Variants in CLIP1 observed in about 807,000 individuals in gnomAD.
The protein encoded by CLIP1 is CAP-Gly domain-containing linker protein 1.
In CLIP1, 66 loss-of-function variants were observed where a neutral mutation model predicts 161.6. The observed-to-expected ratio is 0.41, with a 90% CI of 0.33 to 0.50. The LOEUF (loss-of-function observed/expected upper bound fraction) is 0.50. Among genes scored for constraint, CLIP1 ranks in the 20% least tolerant of loss-of-function variants. CLIP1 has a pLI of 0.27. For missense variants in CLIP1, 1,376 were observed against 1,702.0 expected, an observed-to-expected ratio of 0.81 and a Z score of 3.37; for synonymous variants, 598 against 626.2, an observed-to-expected ratio of 0.96 and a Z score of 0.67.
At chr12:122,319,954 C>T (rs1951420176) in intron 17 of CLIP1, among the ~76,000 whole-genome samples, 1 of 152,130 alleles carries the variant, frequency 6.6e-6, no homozygotes, top group South Asian at 2.1e-4. Context: ...AAATTCTTAG[C>T]TGTTAACTAT....
intron 17 of CLIP1, among the ~76,000 whole-genome samples, chr12:122,325,932 C>A (rs1951697213): frequency 6.6e-6 from 1 of 152,202 alleles, no homozygotes; most frequent in Admixed American, 6.5e-5. Context: ...GGATTACAGG[C>A]GTGAGCCACC....
At chr12:122,282,307 GTC>G (rs1432494904) in intron 21 of CLIP1, among the ~76,000 whole-genome samples, 2 of 152,052 alleles carry the variant, frequency 1.3e-5, no homozygotes, top group East Asian at 3.8e-4. Flanking sequence ...CATTACTGAC[GTC>G]TGAGTCACAA....
At chr12:122,352,297 T>C (rs1453388022) in intron 8 of CLIP1, among the ~76,000 whole-genome samples, 1 of 152,096 alleles carries the variant, frequency 6.6e-6, no homozygotes, top group Non-Finnish European at 1.5e-5. Context: ...CCTCGGGTGA[T>C]CCACCTACCT....
chr12:122,301,977 C>T (rs375544295), intron 20 of CLIP1, among the ~76,000 whole-genome samples: 3 of 152,180 alleles, frequency 2.0e-5, no homozygotes, highest in South Asian at 2.1e-4. Context: ...TCCTGTCCCT[C>T]AGAACAGTGG....
intron 10 of CLIP1, chr12:122,343,854 C>G (rs890954554): frequency 2.6e-5 from 4 of 152,158 alleles, no homozygotes; most frequent in Non-Finnish European, 5.9e-5. Context: ...AATTCTTGGA[C>G]TAATCTGGGA....
chr12:122,337,901 G>C (rs797000170), intron 11 of CLIP1, among the ~76,000 whole-genome samples: 25 of 151,680 alleles, frequency 1.6e-4, no homozygotes, highest in African/African-American at 6.0e-4. Context: ...TGTAGTCCCA[G>C]CTACTCAGGA....
intron 3 of CLIP1, chr12:122,365,252 T>C (rs895319325): frequency 2.2e-5 from 12 of 544,294 alleles, no homozygotes; most frequent in Non-Finnish European, 3.8e-5. Flanking sequence ...AAAATAAAAA[T>C]AAAAAAAAGA....
At chr12:122,377,985 T>C in intron 2 of CLIP1, 25 bp from the exon 3 acceptor site, 1 of 1,552,256 alleles carries the variant, frequency 6.4e-7, no homozygotes, top group Non-Finnish European at 8.7e-7. Flanking sequence ...TCATAAGAGA[T>C]TCGATTTAAT....
intron 3 of CLIP1, among the ~76,000 whole-genome samples, chr12:122,365,091 G>T (rs185542438): frequency 2.0e-5 from 3 of 150,300 alleles, no homozygotes; most frequent in South Asian, 2.1e-4. Flanking sequence ...GTTGTGGGGT[G>T]GGGGGAGAGG....
chr12:122,300,002 A>T (rs567384958), intron 20 of CLIP1, among the ~76,000 whole-genome samples: 8 of 152,346 alleles, frequency 5.3e-5, no homozygotes, highest in African/African-American at 1.9e-4. Context: ...TCATGCCTGT[A>T]ATCCCAGCAC....
In CLIP1 at chr12:122,352,765, G is replaced by A. The variant is rs749593496; in HGVS notation, c.1329C>T (p.Phe443=). The A allele has an allele frequency of 2.8e-5, 45 of 1,613,814 alleles. No individual in the cohort carries two copies. The highest frequency in any genetic ancestry group is 3.4e-6 in the Non-Finnish European group (4 of 1,179,942). ...TGGTAATTGATTCTTCTTCAACCCGGAACTGAAGGTCCTCAACCTTCCTGT... is the reference window on the plus strand; with the variant it reads ...TGGTAATTGATTCTTCTTCAACCCGAAACTGAAGGTCCTCAACCTTCCTGT... ...EEKRKVEDLQ[F]RVEEESITKG... Residue 443 remains phenylalanine (F), a synonymous_variant, in exon 8 of 26, where the codon TTC becomes TTT. Transcript: ENST00000620786.
chr12:122,272,942 G>A lies in CLIP1; in HGVS notation c.4250C>T (p.Pro1417Leu), dbSNP rs755755699. 6.2e-7 allele frequency: 1 copy of A among 1,614,162 alleles called. No individual in the cohort carries two copies. Among genetic ancestry groups the A allele is most frequent in the Non-Finnish European group, 8.5e-7 (1 of 1,180,024 alleles). Residue 1417 changes from proline (P) to leucine (L), a missense_variant, in exon 26 of 26, where the codon CCA (proline) becomes CTA (leucine). By Grantham distance (98) the Pro-to-Leu change is moderately conservative. Coordinates refer to ENST00000620786, the MANE Select transcript of CLIP1 (RefSeq NM_001247997.2). Reference protein sequence around the residue: ...THHGSRGEERPYCEICEMFGH... With the variant: ...THHGSRGEERLYCEICEMFGH... ...AAACATCTCACAGATTTCACAGTAT[G>A]GGCGTTCCTCACCCCGACTGCCATG...
chr12:122,275,454 T>C (rs1469337396), intron 24 of CLIP1: 2 of 151,590 alleles, frequency 1.3e-5, no homozygotes, highest in Non-Finnish European at 2.9e-5. Context: ...CTAGTAAAAA[T>C]ACAAAAATTA....
intron 25 of CLIP1, among the ~76,000 whole-genome samples, chr12:122,273,503 G>A (rs535602186): frequency 2.0e-5 from 3 of 151,996 alleles, no homozygotes; most frequent in Non-Finnish European, 4.4e-5. Flanking sequence ...TGCCCACCTC[G>A]GCCTCCCAAA....
At chr12:122,291,439 C>T (rs1396668256) in intron 20 of CLIP1, among the ~76,000 whole-genome samples, 1 of 152,218 alleles carries the variant, frequency 6.6e-6, no homozygotes, top group Non-Finnish European at 1.5e-5. Flanking sequence ...ATCCACCCGC[C>T]ATGGCATCCC....
Position 122,272,984 on chromosome 12 carries a change from G to A in CLIP1, c.4208C>T (p.Pro1403Leu), listed in dbSNP as rs530883283. 1 of 1,614,186 alleles carries A rather than the reference G, an allele frequency of 6.2e-7. No individual in the cohort carries two copies. The highest frequency in any genetic ancestry group is 2.2e-5 in the East Asian group (1 of 44,888). ...ACTGCCATGGTGTGTGGAATGGGGAGGGTCCTCTGACATCTGTGCCTGGGT... is the reference window on the plus strand; with the variant it reads ...ACTGCCATGGTGTGTGGAATGGGGAAGGTCCTCTGACATCTGTGCCTGGGT... The part of the protein sequence containing the change: ...CPTQAQMSED[P>L]PHSTHHGSRG... The change falls in exon 26 of 26, where the codon CCT (proline) becomes CTT (leucine). Residue 1403 changes from proline to leucine, a missense_variant. Transcript: ENST00000620786.
intron 1 of CLIP1, among the ~76,000 whole-genome samples, chr12:122,417,478 C>CA (rs1956793895): frequency 6.7e-6 from 1 of 148,454 alleles, no homozygotes; most frequent in African/African-American, 2.5e-5. Context: ...AAAACAAAAG[C>CA]AATTTTTTAA....
intron 20 of CLIP1, among the ~76,000 whole-genome samples, chr12:122,299,079 T>C (rs1950578805): frequency 6.6e-6 from 1 of 152,232 alleles, no homozygotes; most frequent in African/African-American, 2.4e-5. Flanking sequence ...CTTTACTTTT[T>C]ACTCCTGGGT....
At chr12:122,347,325 C>T in intron 10 of CLIP1, 50 bp downstream of exon 10, 1 of 1,339,830 alleles carries the variant, frequency 7.5e-7, no homozygotes, top group Non-Finnish European at 1.1e-6. Flanking sequence ...CCTGAGGTGT[C>T]CACCCTTCAC....
Sources: allele counts gnomAD v4.1 joint callset (sites outside exome capture counted in the v4.1 genomes callset), GRCh38; gene constraint gnomAD v4.1.1; transcripts MANE v1.5; gene names NCBI Gene and HGNC (gene_info 2026-07-23, HGNC 2026-07-21).